The following LCNL1 variants were observed in gnomAD, a reference collection of about 807,000 sequenced individuals.
LCNL1 encodes lipocalin like 1.
A neutral mutation model predicts 7.9 loss-of-function variants in LCNL1; 11 were observed. The observed-to-expected ratio is 1.40, with a 90% CI of 0.88 to 2.32. The LOEUF is 2.32. Ranked by LOEUF, LCNL1 falls within the 30% of genes most tolerant of loss-of-function variation. The probability of loss-of-function intolerance (pLI) is 0.00; values close to 1 mark genes in which losing one functional copy is unlikely to be tolerated. For synonymous variants in LCNL1, 90 were observed against 92.5 expected (o/e 0.97, Z 0.15); for missense variants, 218 against 217.0 (o/e 1.00, Z -0.03).
chr9:136,984,463 C>G, intron 1 of LCNL1, 27 bp from the exon 2 acceptor site: 1 of 1,533,416 alleles, frequency 6.5e-7, no homozygotes, highest in South Asian at 1.2e-5. Context: ...GGTGGCCACT[C>G]AGGGGATTGG....
chr9:136,983,453 A>G lies in LCNL1; in HGVS notation c.-134A>G. The G allele has an allele frequency of 9.4e-7, 1 of 1,064,218 alleles. No individual in the cohort carries two copies. The highest frequency in any genetic ancestry group is 1.4e-6 in the Non-Finnish European group (1 of 707,816). The allele number at this position is 1,064,218 out of a possible 1,614,324, so 65.9% of individuals were successfully genotyped here. On this transcript the variant is annotated 5_prime_UTR_variant, in exon 1 of 3. The change abolishes an upstream ATG in the 5' untranslated region. Transcript: ENST00000408973. ...CCCTCAGTTCTGCATCGGGGTCGAG[A>G]TGTGTACAGCAGCCCCTGCCGTGGC...
At chr9:136,983,808 G>A in intron 1 of LCNL1, 100 bp downstream of exon 1, 1 of 1,539,426 alleles carries the variant, frequency 6.5e-7, no homozygotes, top group South Asian at 1.2e-5. Context: ...AGCACATTGA[G>A]GTCAGACCAC....
Position 136,984,843 on chromosome 9 carries a change from G to A in LCNL1, c.327G>A (p.Arg109=). 1.3e-6 allele frequency: 2 copies of A among 1,567,366 alleles called. No individual in the cohort carries two copies. Among genetic ancestry groups the A allele is most frequent in the African/African-American group, 1.3e-5 (1 of 74,136 alleles). ...LQLYGGRAAG[R]RPRHPRFGSG... ...TCTACGGTGGGCGGGCTGCGGGGCG[G>A]AGACCCAGACACCCCCGCTTCGGGT... is the stretch of plus-strand genomic sequence containing the variant. Residue 109 remains arginine (R), a synonymous_variant, in exon 3 of 3, where the codon CGG becomes CGA. Coordinates refer to ENST00000408973, the MANE Select transcript of LCNL1 (RefSeq NM_207510.4).
chr9:136,984,489 G>C lies in LCNL1; in HGVS notation c.123-1G>C, dbSNP rs1383607511. 3.2e-6 allele frequency: 5 copies of C among 1,565,380 alleles called. No individual in the cohort carries two copies. Among genetic ancestry groups the C allele is most frequent in the Middle Eastern group, 1.7e-4 (1 of 5,968 alleles). Reference sequence around the variant, plus strand: ...AGGGGATTGGGGCTCTTTCTCCCCAGGCCCCATGGCGGGTGCCAGAAAATG... The same window carrying C: ...AGGGGATTGGGGCTCTTTCTCCCCACGCCCCATGGCGGGTGCCAGAAAATG... On this transcript the variant is annotated splice_acceptor_variant, in intron 1 of 2. Coordinates refer to ENST00000408973, the MANE Select transcript of LCNL1 (RefSeq NM_207510.4). LOFTEE classifies it high-confidence loss of function.
intron 2 of LCNL1, 54 bp downstream of exon 2, chr9:136,984,617 G>A: frequency 6.6e-7 from 1 of 1,505,092 alleles, no homozygotes; most frequent in Non-Finnish European, 8.9e-7. Context: ...AGGCTGCATG[G>A]ACTGCTGGAT....
Position 136,984,888 on chromosome 9 carries a change from C to T in LCNL1, c.372C>T (p.Cys124=). Reference sequence around the variant, plus strand: ...TCGGGTCTGGGATGTCACCCCTGTGCCTGCACCAGCCCTTTCTGCACGCGG... The same window carrying T: ...TCGGGTCTGGGATGTCACCCCTGTGTCTGCACCAGCCCTTTCTGCACGCGG... ...PRFGSGMSPL[C]LHQPFLHAEG... Residue 124 remains cysteine, a synonymous_variant, in exon 3 of 3, where the codon TGC becomes TGT. Coordinates refer to ENST00000408973, the MANE Select transcript of LCNL1 (RefSeq NM_207510.4). 2 of 1,558,104 alleles carry T rather than the reference C, an allele frequency of 1.3e-6. No homozygotes were observed. The highest frequency in any genetic ancestry group is 1.7e-6 in the Non-Finnish European group (2 of 1,150,878).
Position 136,984,088 on chromosome 9 carries a change from G to A in LCNL1, c.122+380G>A, listed in dbSNP as rs918133155. On this transcript the variant is annotated intron_variant, in intron 1 of 2. Coordinates refer to ENST00000408973, the MANE Select transcript of LCNL1 (RefSeq NM_207510.4). The stretch of plus-strand genomic sequence containing the variant: ...TGTGTATGTGTGTATCACTGTATGC[G>A]TCTGTGTGTCTGTGTGTCTGTGTAT... The A allele has an allele frequency of 5.6e-5, 22 of 394,902 alleles. No homozygotes were observed. The East Asian group carries it at 7.2e-4, about 13-fold the overall frequency. 24.5% of individuals were successfully genotyped at this position (394,902 alleles called of 1,614,324 possible).
chr9:136,985,577 G>GC lies in LCNL1; in HGVS notation c.*567dup, dbSNP rs1438727434. 6.6e-6 allele frequency: 1 copy of GC among 152,540 alleles called. No homozygotes were observed. Among genetic ancestry groups the GC allele is most frequent in the Non-Finnish European group, 1.5e-5 (1 of 68,268 alleles). 9.4% of individuals were successfully genotyped at this position (152,540 alleles called of 1,614,324 possible). Reference sequence around the variant, plus strand: ...CCGAGCCGCAGCAGCCTGGGGAACCGCGGGGCTGCGCGTCGGGAGGGGGCG... The same window carrying GC: ...CCGAGCCGCAGCAGCCTGGGGAACCGCCGGGGCTGCGCGTCGGGAGGGGGCG... On this transcript the variant is annotated 3_prime_UTR_variant, in exon 3 of 3. Coordinates refer to ENST00000408973, the MANE Select transcript of LCNL1 (RefSeq NM_207510.4).
rs77097544 is a variant in LCNL1, at chr9:136,984,442, C to T, written c.123-48C>T. ...CAGCAAGGTAGGCTCTAGGCCTGGG[C>T]GCTGGGCAGGGGTGGCCACTCAGGG... is the stretch of plus-strand genomic sequence containing the variant. On this transcript the variant is annotated intron_variant, in intron 1 of 2. Transcript: ENST00000408973. The T allele has an allele frequency of 6.5e-4, 969 of 1,485,630 alleles. 4 individuals carry two copies. In the African/African-American group the frequency reaches 9.8e-3, roughly 15 times the overall value. 92.0% of individuals were successfully genotyped at this position (1,485,630 alleles called of 1,614,324 possible). A position where few individuals can be genotyped will look rare whatever the true frequency, so the allele number is the denominator to read the frequency against.
Position 136,985,330 on chromosome 9 carries a change from C to T in LCNL1, c.*319C>T. The T allele has an allele frequency of 3.0e-6, 1 of 334,032 alleles. No homozygotes were observed. Among genetic ancestry groups the T allele is most frequent in the Non-Finnish European group, 5.5e-6 (1 of 183,120 alleles). The allele number at this position is 334,032 out of a possible 1,614,324, so 20.7% of individuals were successfully genotyped here. A position where few individuals can be genotyped will look rare whatever the true frequency, so the allele number is the denominator to read the frequency against. On this transcript the variant is annotated 3_prime_UTR_variant, in exon 3 of 3. Transcript: ENST00000408973. ...TTCCCAGGAGGAGATCGCCTTGGGG[C>T]AGGTCGGGGGCCTCCGTCCCAGGGA...
rs1290097103 is a variant in LCNL1 at position 136,983,293 on chromosome 9, G to C, written c.-294G>C. ...ACAAGTTGGTTGCCTGTGCCTCACTGTCCCCCACCCACCCCACAAAGACCT... is the reference window on the plus strand; with the variant it reads ...ACAAGTTGGTTGCCTGTGCCTCACTCTCCCCCACCCACCCCACAAAGACCT... On this transcript the variant is annotated 5_prime_UTR_variant, in exon 1 of 3. Coordinates refer to ENST00000408973, the MANE Select transcript of LCNL1 (RefSeq NM_207510.4). 1 of 369,602 alleles carries C rather than the reference G, an allele frequency of 2.7e-6. No individual in the cohort carries two copies. The highest frequency in any genetic ancestry group is 2.0e-5 in the African/African-American group (1 of 49,062). The allele number at this position is 369,602 out of a possible 1,614,324, so 22.9% of individuals were successfully genotyped here.
chr9:136,983,173 G>A lies in LCNL1; in HGVS notation c.-414G>A, dbSNP rs560795968. On this transcript the variant is annotated 5_prime_UTR_variant, in exon 1 of 3. Transcript: ENST00000408973. ...GGGAAACCCCCACCTCACCCGCTCC[G>A]TCTGACTGGAGTAGGGGTTGGCTGG... The A allele has an allele frequency of 9.5e-5, 19 of 199,622 alleles. No homozygotes were observed. The highest frequency in any genetic ancestry group is 2.4e-4 in the East Asian group (2 of 8,326). The allele number at this position is 199,622 out of a possible 1,614,324, so 12.4% of individuals were successfully genotyped here.
rs201494183 is a variant in LCNL1, at chr9:136,984,744, C to T, written c.228C>T (p.Phe76=). 5,184 of 1,539,484 alleles carry T rather than the reference C, an allele frequency of 3.4e-3. 8 individuals carry two copies. Among genetic ancestry groups the T allele is most frequent in the Non-Finnish European group, 4.3e-3 (4,894 of 1,138,152 alleles). Reference sequence around the variant, plus strand: ...CCCTGAGTGACATCCGAGTGGCCTTCTCCGACTACCAGCACTTTGCCTTGC... The same window carrying T: ...CCCTGAGTGACATCCGAGTGGCCTTTTCCGACTACCAGCACTTTGCCTTGC... ...AMALSDIRVA[F]SDYQHFALLY... Residue 76 remains phenylalanine, a synonymous_variant, in exon 3 of 3, where the codon TTC becomes TTT. Transcript: ENST00000408973.
chr9:136,985,069 A>C lies in LCNL1; in HGVS notation c.*58A>C, dbSNP rs916454258. 2 of 1,400,850 alleles carry C rather than the reference A, an allele frequency of 1.4e-6. No individual in the cohort carries two copies. Among genetic ancestry groups the C allele is most frequent in the African/African-American group, 3.0e-5 (2 of 67,040 alleles). 86.8% of individuals were successfully genotyped at this position (1,400,850 alleles called of 1,614,324 possible). ...CCCGAGCTGTTTCCCGAAGGCGCCC[A>C]GAAGATGCAGCTACTGGCGCCCCAA... On this transcript the variant is annotated 3_prime_UTR_variant, in exon 3 of 3. Coordinates refer to ENST00000408973, the MANE Select transcript of LCNL1 (RefSeq NM_207510.4).
At position 136,984,519 on chromosome 9, in the gene LCNL1, C is replaced by T. The variant is rs201040045; in HGVS notation, c.152C>T (p.Thr51Met). ...CATGGCGGGTGCCAGAAAATGGACA[C>T]GACCTTCACCGAGGGTGCTGTACCG... ...TPHGGCQKMD[T>M]TFTEGAVPGQ... Residue 51 changes from threonine (T) to methionine (M), a missense_variant, in exon 2 of 3, where the codon ACG becomes ATG. By Grantham distance (81) the Thr-to-Met change is moderately conservative (BLOSUM62 -1). Transcript: ENST00000408973. The T allele has an allele frequency of 4.1e-4, 641 of 1,570,320 alleles. 4 individuals are homozygous for T. The African/African-American group carries it at 7.5e-3, about 18-fold the overall frequency.
Position 136,983,216 on chromosome 9 carries a change from A to C in LCNL1, c.-371A>C. On this transcript the variant is annotated 5_prime_UTR_variant, in exon 1 of 3. Transcript: ENST00000408973. ...TTGGCTGGGGAAGACTGCAGCCTCC[A>C]TCCTACCTTTTCAGTTGCATCCCCC... 1 of 235,760 alleles carries C rather than the reference A, an allele frequency of 4.2e-6. No individual in the cohort carries two copies. The highest frequency in any genetic ancestry group is 8.8e-6 in the Non-Finnish European group (1 of 114,010). The allele number at this position is 235,760 out of a possible 1,614,324, so 14.6% of individuals were successfully genotyped here. A position where few individuals can be genotyped will look rare whatever the true frequency, so the allele number is the denominator to read the frequency against.
Position 136,983,231 on chromosome 9 carries a change from T to G in LCNL1, c.-356T>G. On this transcript the variant is annotated 5_prime_UTR_variant, in exon 1 of 3. Transcript: ENST00000408973. ...TGCAGCCTCCATCCTACCTTTTCAG[T>G]TGCATCCCCCAACAATCCCCAGGGC... is the stretch of plus-strand genomic sequence containing the variant. 4.1e-6 allele frequency: 1 copy of G among 245,280 alleles called. No individual in the cohort carries two copies. Among genetic ancestry groups the G allele is most frequent in the South Asian group, 5.7e-5 (1 of 17,428 alleles). 15.2% of individuals were successfully genotyped at this position (245,280 alleles called of 1,614,324 possible).
chr9:136,984,758 A>G lies in LCNL1; in HGVS notation c.242A>G (p.His81Arg), dbSNP rs1830479622. Residue 81 changes from histidine to arginine, a missense_variant, in exon 3 of 3, where the codon CAC becomes CGC. His to Arg is a conservative substitution (Grantham distance 29). Coordinates refer to ENST00000408973, the MANE Select transcript of LCNL1 (RefSeq NM_207510.4). ...DIRVAFSDYQ[H>R]FALLYLEMRK... ...CGAGTGGCCTTCTCCGACTACCAGC[A>G]CTTTGCCTTGCTGTACTTGGAGATG... is the stretch of plus-strand genomic sequence containing the variant. 7 of 1,553,220 alleles carry G rather than the reference A, an allele frequency of 4.5e-6. No homozygotes were observed. The highest frequency in any genetic ancestry group is 6.1e-6 in the Non-Finnish European group (7 of 1,144,882).
In LCNL1 at chr9:136,984,847, C is replaced by G. The variant is rs1429172300; in HGVS notation, c.331C>G (p.Pro111Ala). ...CGGTGGGCGGGCTGCGGGGCGGAGA[C>G]CCAGACACCCCCGCTTCGGGTCTGG... Reference protein sequence around the residue: ...LYGGRAAGRRPRHPRFGSGMS... With the variant: ...LYGGRAAGRRARHPRFGSGMS... The change falls in exon 3 of 3, where the codon CCC becomes GCC. Residue 111 changes from proline to alanine, a missense_variant. By Grantham distance (27) the Pro-to-Ala change is conservative (BLOSUM62 -1). Transcript: ENST00000408973. 1 of 1,564,454 alleles carries G rather than the reference C, an allele frequency of 6.4e-7. No individual in the cohort carries two copies. Among genetic ancestry groups the G allele is most frequent in the African/African-American group, 1.4e-5 (1 of 73,904 alleles).
Sources: allele counts gnomAD v4.1 joint callset, GRCh38; gene constraint gnomAD v4.1.1; transcripts MANE v1.5; gene names NCBI Gene and HGNC (gene_info 2026-07-23, HGNC 2026-07-21).